Variants in BCKDHB observed in about 807,000 individuals in gnomAD.
The protein encoded by BCKDHB is branched chain keto acid dehydrogenase E1 subunit beta, also known as 2-oxoisovalerate dehydrogenase subunit beta, mitochondrial.
BCKDHB carries 41 observed loss-of-function variants against 48.5 expected under a neutral mutation model. The ratio of observed to expected loss-of-function variants is 0.85; its 90% confidence interval spans 0.66 to 1.10. BCKDHB has a LOEUF of 1.10. Among genes scored for constraint, BCKDHB ranks in the 50% least tolerant of loss-of-function variants. The probability of loss-of-function intolerance (pLI) is 0.00; values close to 1 mark genes in which losing one functional copy is unlikely to be tolerated. For synonymous variants in BCKDHB, 201 were observed against 174.8 expected (o/e 1.15, Z -1.18); for missense variants, 496 against 494.2 (o/e 1.00, Z -0.03).
At chr6:80,381,127 T>C in the BCKDHB span, among the ~76,000 whole-genome samples, 1 of 152,030 alleles carries the variant, frequency 6.6e-6, no homozygotes, top group Non-Finnish European at 1.5e-5. Context: ...CTTTCTAATC[T>C]CCTTTTACCT....
intron 8 of BCKDHB, among the ~76,000 whole-genome samples, chr6:80,204,071 AT>A (rs1193925278): frequency 1.3e-5 from 2 of 152,122 alleles, no homozygotes; most frequent in African/African-American, 4.8e-5. Flanking sequence ...AATGACATGT[AT>A]TATTTTTTCT....
intron 9 of BCKDHB, among the ~76,000 whole-genome samples, chr6:80,277,433 T>G (rs539785674): frequency 1.3e-5 from 2 of 152,166 alleles, no homozygotes; most frequent in South Asian, 4.1e-4. Context: ...ACCAAATAGT[T>G]TATGGTATTT....
chr6:80,190,335 T>C (rs1372626972), intron 6 of BCKDHB, among the ~76,000 whole-genome samples: 3 of 152,222 alleles, frequency 2.0e-5, no homozygotes, highest in Non-Finnish European at 4.4e-5. Context: ...GTTTTTGCAA[T>C]TTTTCAAGAC....
At chr6:80,418,516 A>G in the BCKDHB span, among the ~76,000 whole-genome samples, 1 of 152,146 alleles carries the variant, frequency 6.6e-6, no homozygotes, top group African/African-American at 2.4e-5. Flanking sequence ...TAAAAGGTGG[A>G]TTCGGCCAAC....
At chr6:80,285,944 C>G (rs895793013) in intron 9 of BCKDHB, among the ~76,000 whole-genome samples, 2 of 151,430 alleles carry the variant, frequency 1.3e-5, no homozygotes, top group South Asian at 2.1e-4. Flanking sequence ...AAGTGTGTCT[C>G]TGTGTGTGTG....
At chr6:80,374,213 C>T in the BCKDHB span, 4 of 732,762 alleles carry the variant, frequency 5.5e-6, no homozygotes, top group Admixed American at 5.2e-5. Flanking sequence ...ATGCTTTATT[C>T]ATTTGGATAT....
At chr6:80,398,212 G>T in the BCKDHB span, among the ~76,000 whole-genome samples, 1 of 151,232 alleles carries the variant, frequency 6.6e-6, no homozygotes, top group Non-Finnish European at 1.5e-5. Flanking sequence ...TATAACAGAA[G>T]ACAGGAAATA....
the BCKDHB span, chr6:80,355,286 G>C: frequency 6.7e-6 from 1 of 150,298 alleles, no homozygotes; most frequent in Non-Finnish European, 1.5e-5. Flanking sequence ...TGTAATCCCA[G>C]CTACTTGTGA....
the BCKDHB span, among the ~76,000 whole-genome samples, chr6:80,389,922 A>AT: frequency 6.6e-6 from 1 of 152,022 alleles, no homozygotes; most frequent in African/African-American, 2.4e-5. Context: ...CAGTAGCAAA[A>AT]TTTTTGCTTC....
intron 8 of BCKDHB, among the ~76,000 whole-genome samples, chr6:80,204,100 A>G (rs893039155): frequency 6.6e-6 from 1 of 152,128 alleles, no homozygotes; most frequent in Non-Finnish European, 1.5e-5. Flanking sequence ...CTGCTATAGT[A>G]TAGGGCATTT....
At chr6:80,333,904 G>A (rs748302403) in intron 9 of BCKDHB, among the ~76,000 whole-genome samples, 10 of 151,930 alleles carry the variant, frequency 6.6e-5, no homozygotes, top group Non-Finnish European at 1.5e-4. Flanking sequence ...TTCATTAATG[G>A]ATCAATGGTT....
intron 8 of BCKDHB, among the ~76,000 whole-genome samples, chr6:80,261,991 G>T (rs1478623445): frequency 6.6e-6 from 1 of 152,140 alleles, no homozygotes; most frequent in Non-Finnish European, 1.5e-5. Context: ...TTTGTTTGCT[G>T]TGGGAATCTC....
the BCKDHB span, among the ~76,000 whole-genome samples, chr6:80,438,144 G>A: frequency 3.3e-5 from 5 of 152,146 alleles, no homozygotes; most frequent in African/African-American, 4.8e-5. Flanking sequence ...TCTCAGCCTC[G>A]GTTTCTTCCT....
Position 80,160,956 on chromosome 6 carries a change from GCTAT to G in BCKDHB, c.344-6719_344-6716del, listed in dbSNP as rs145328129. ...TTATCAGAAATTTTCATTTTATTCAGCTATCTGAGTTTAGAAAGAAGTAATTCAG... is the reference window on the plus strand; with the variant it reads ...TTATCAGAAATTTTCATTTTATTCAGCTGAGTTTAGAAAGAAGTAATTCAG... On this transcript the variant is annotated intron_variant, in intron 3 of 9. Coordinates refer to ENST00000320393, the MANE Select transcript of BCKDHB (RefSeq NM_183050.4). 3.8e-3 allele frequency among the ~76,000 whole-genome samples: 585 copies of G among 152,246 alleles called. 2 individuals are homozygous for G. The highest frequency in any genetic ancestry group is 0.013 in the African/African-American group (559 of 41,540).
At chr6:80,155,415 A>T (rs1478983206) in intron 3 of BCKDHB, among the ~76,000 whole-genome samples, 1 of 152,166 alleles carries the variant, frequency 6.6e-6, no homozygotes, top group African/African-American at 2.4e-5. Flanking sequence ...TTTCTCTAGT[A>T]GAAAGAAAGG....
intron 8 of BCKDHB, among the ~76,000 whole-genome samples, chr6:80,232,916 A>C (rs546121045): frequency 2.0e-5 from 3 of 152,092 alleles, no homozygotes; most frequent in African/African-American, 7.2e-5. Context: ...CTTCATTTTC[A>C]TTCATGTCAC....
At chr6:80,387,525 T>C in the BCKDHB span, among the ~76,000 whole-genome samples, 1 of 152,216 alleles carries the variant, frequency 6.6e-6, no homozygotes, top group Non-Finnish European at 1.5e-5. Context: ...TTTTGGAGAA[T>C]GACAGTGGAT....
At chr6:80,368,982 C>T in the BCKDHB span, among the ~76,000 whole-genome samples, 1 of 145,714 alleles carries the variant, frequency 6.9e-6, no homozygotes, top group Non-Finnish European at 1.5e-5. Flanking sequence ...CACTGCACTC[C>T]AGCTTGGGTG....
At chr6:80,411,823 C>T in the BCKDHB span, among the ~76,000 whole-genome samples, 5,602 of 152,278 alleles carry the variant, frequency 0.037, 356 homozygotes, top group African/African-American at 0.13. Context: ...CATTGAAAAG[C>T]GCAGTGTTTA....
Sources: allele counts gnomAD v4.1 joint callset (sites outside exome capture counted in the v4.1 genomes callset), GRCh38; gene constraint gnomAD v4.1.1; transcripts MANE v1.5; gene names NCBI Gene and HGNC (gene_info 2026-07-23, HGNC 2026-07-21).